The following GRIK4 variants were observed in gnomAD, a reference collection of about 807,000 sequenced individuals.
GRIK4 encodes the protein glutamate ionotropic receptor kainate type subunit 4.
In GRIK4, 40 loss-of-function variants were observed where a neutral mutation model predicts 104.9. That is an observed-to-expected ratio of 0.38 (90% CI 0.30 to 0.50). GRIK4 has a LOEUF of 0.50. Ranked by LOEUF, GRIK4 falls within the 20% of genes least tolerant of loss-of-function variation. GRIK4 has a pLI of 0.93. For synonymous variants in GRIK4, 485 were observed against 524.9 expected (o/e 0.92, Z 1.04); for missense variants, 1,047 against 1,308.1 (o/e 0.80, Z 3.08).
intron 14 of GRIK4, among the ~76,000 whole-genome samples, chr11:120,947,878 G>C (rs1943900929): frequency 6.6e-6 from 1 of 152,196 alleles, no homozygotes; most frequent in Admixed American, 6.5e-5. Context: ...TCAATGCCAG[G>C]ATTAGAATGT....
chr11:120,945,679 C>G (rs1050012222), intron 14 of GRIK4, among the ~76,000 whole-genome samples: 2 of 152,210 alleles, frequency 1.3e-5, no homozygotes, highest in African/African-American at 4.8e-5. Context: ...GCCTTTACCC[C>G]TGTAGGTCTT....
At chr11:120,786,868 C>T (rs1366990590) in intron 3 of GRIK4, among the ~76,000 whole-genome samples, 1 of 152,200 alleles carries the variant, frequency 6.6e-6, no homozygotes, top group Non-Finnish European at 1.5e-5. Flanking sequence ...ACCTGCATTA[C>T]GCAGTGCTAT....
intron 1 of GRIK4, among the ~76,000 whole-genome samples, chr11:120,624,366 C>T (rs1365910601): frequency 1.3e-5 from 2 of 151,922 alleles, no homozygotes; most frequent in African/African-American, 4.8e-5. Flanking sequence ...CATTGGTGCC[C>T]CCTCCCTGTA....
At chr11:120,732,016 AT>A (rs202010196) in intron 3 of GRIK4, among the ~76,000 whole-genome samples, 1 of 150,904 alleles carries the variant, frequency 6.6e-6, no homozygotes, top group African/African-American at 2.4e-5. Flanking sequence ...TGTTTCATTG[AT>A]TTTTTTGTAT....
chr11:120,524,755 T>G lies in GRIK4; in HGVS notation c.-159+12868T>G, dbSNP rs1244950892. ...GGGGTGCTCCTTCAGACATACCCAG[T>G]GTGAGCTAGGGGCTGCCTGCATCCT... is the stretch of plus-strand genomic sequence containing the variant. On this transcript the variant is annotated intron_variant, in intron 1 of 20. Transcript: ENST00000527524. The surrounding 1 kb of genome is among the most constrained non-coding windows in gnomAD (Gnocchi z 4.5). 6.6e-6 allele frequency among the ~76,000 whole-genome samples: 1 copy of G among 152,088 alleles called. No homozygotes were observed. Among genetic ancestry groups the G allele is most frequent in the Non-Finnish European group, 1.5e-5 (1 of 68,016 alleles).
In GRIK4 at chr11:120,525,267, G is replaced by A. The variant is rs546994531; in HGVS notation, c.-159+13380G>A. Among the ~76,000 whole-genome samples the A allele has an allele frequency of 3.9e-5, 6 of 152,326 alleles. No individual in the cohort carries two copies. In the South Asian group the frequency reaches 1.2e-3, roughly 32 times the overall value. On this transcript the variant is annotated intron_variant, in intron 1 of 20. Transcript: ENST00000527524. ...AAGTGAGGGCATTGAGGTTCAGAGAGGGAAGGAACTTGCCTGAGATCATGT... is the reference window on the plus strand; with the variant it reads ...AAGTGAGGGCATTGAGGTTCAGAGAAGGAAGGAACTTGCCTGAGATCATGT...
At position 120,897,626 on chromosome 11, in the gene GRIK4, A is replaced by AAAAAAAAAAAAAAAAAAAG. The variant is rs1942620698; in HGVS notation, c.1165-905_1165-904insAAAAAAAAAAAAAAAAAGA. 1.4e-5 allele frequency among the ~76,000 whole-genome samples: 2 copies of AAAAAAAAAAAAAAAAAAAG among 145,184 alleles called. 1 individual carries two copies. The highest frequency in any genetic ancestry group is 3.0e-5 in the Non-Finnish European group (2 of 66,620). On this transcript the variant is annotated intron_variant, in intron 11 of 20. Transcript: ENST00000527524. ...CAAAAAAAAAAAAAAAAAAAAAAAA[A>AAAAAAAAAAAAAAAAAAAG]AGAGTACATCTCATATTAAGTGTTC... is the stretch of plus-strand genomic sequence containing the variant.
intron 1 of GRIK4, among the ~76,000 whole-genome samples, chr11:120,578,296 G>A (rs950993451): frequency 1.3e-5 from 2 of 152,178 alleles, no homozygotes; most frequent in Admixed American, 6.5e-5. Context: ...GGAGAGGAAA[G>A]GGGAGGTGAG....
chr11:120,725,908 G>A lies in GRIK4; in HGVS notation c.82+65508G>A, dbSNP rs143849721. 7.0e-3 allele frequency among the ~76,000 whole-genome samples: 1,070 copies of A among 152,182 alleles called. 8 individuals are homozygous for A. Among genetic ancestry groups the A allele is most frequent in the African/African-American group, 0.02 (810 of 41,510 alleles). ...AGAATTCTAGTGATGGTGGTGGTGGGGGGTATACAGACAGACAATATTTTT... is the reference window on the plus strand; with the variant it reads ...AGAATTCTAGTGATGGTGGTGGTGGAGGGTATACAGACAGACAATATTTTT... On this transcript the variant is annotated intron_variant, in intron 3 of 20. Coordinates refer to ENST00000527524, the MANE Select transcript of GRIK4 (RefSeq NM_014619.5).
At chr11:120,900,093 A>G (rs1296820151) in intron 12 of GRIK4, among the ~76,000 whole-genome samples, 2 of 152,194 alleles carry the variant, frequency 1.3e-5, no homozygotes, top group Non-Finnish European at 2.9e-5. Flanking sequence ...AAGGAGAGAG[A>G]GGTCCCCTCC....
At chr11:120,609,764 T>G (rs760391842) in intron 1 of GRIK4, among the ~76,000 whole-genome samples, 1 of 152,144 alleles carries the variant, frequency 6.6e-6, no homozygotes, top group East Asian at 1.9e-4. Context: ...TCCATCTGCC[T>G]CGGCCTCCCA....
chr11:120,707,307 G>A (rs140860366), intron 3 of GRIK4, among the ~76,000 whole-genome samples: 4 of 152,294 alleles, frequency 2.6e-5, no homozygotes, highest in East Asian at 3.9e-4. Flanking sequence ...ACTTGTGGCC[G>A]CCAGTCTGCC....
At chr11:120,578,684 T>C (rs1948521442) in intron 1 of GRIK4, among the ~76,000 whole-genome samples, 1 of 152,238 alleles carries the variant, frequency 6.6e-6, no homozygotes, top group African/African-American at 2.4e-5. Context: ...ACTCAGCCAC[T>C]GCCCCTCGGC....
At chr11:120,577,820 C>CT (rs1948505418) in intron 1 of GRIK4, among the ~76,000 whole-genome samples, 1 of 152,146 alleles carries the variant, frequency 6.6e-6, no homozygotes, top group African/African-American at 2.4e-5. Flanking sequence ...GTTTAGCTGG[C>CT]TGAGGGCTTA....
chr11:120,539,141 A>G (rs1316737407), intron 1 of GRIK4, among the ~76,000 whole-genome samples: 1 of 152,152 alleles, frequency 6.6e-6, no homozygotes, highest in Admixed American at 6.5e-5. Context: ...AGGGGAAGGT[A>G]CCCCTCAAAG....
intron 1 of GRIK4, among the ~76,000 whole-genome samples, chr11:120,633,829 A>G (rs1226934590): frequency 6.6e-6 from 1 of 152,028 alleles, no homozygotes; most frequent in Non-Finnish European, 1.5e-5. Context: ...CTGGGCATGG[A>G]GATTTTTTGA....
chr11:120,516,606 G>T (rs941235268), intron 1 of GRIK4, among the ~76,000 whole-genome samples: 2 of 152,278 alleles, frequency 1.3e-5, no homozygotes, highest in African/African-American at 4.8e-5. Context: ...GGGCAGAGGA[G>T]TGCTGTGCAG....
intron 13 of GRIK4, among the ~76,000 whole-genome samples, chr11:120,926,468 C>T (rs1310826888): frequency 6.6e-6 from 1 of 152,180 alleles, no homozygotes; most frequent in Non-Finnish European, 1.5e-5. Context: ...CCCCAACATA[C>T]CTACAAAGTA....
At chr11:120,581,486 T>C (rs1287421374) in intron 1 of GRIK4, among the ~76,000 whole-genome samples, 1 of 152,238 alleles carries the variant, frequency 6.6e-6, no homozygotes, top group African/African-American at 2.4e-5. Context: ...AGTACCATCA[T>C]GTTGTTGTGC....
Sources: allele counts gnomAD v4.1 joint callset (sites outside exome capture counted in the v4.1 genomes callset), GRCh38; gene constraint gnomAD v4.1.1; non-coding constraint Gnocchi (gnomAD v3.1); transcripts MANE v1.5; gene names NCBI Gene and HGNC (gene_info 2026-07-23, HGNC 2026-07-21).